Variants in AFF3 observed in about 807,000 individuals in gnomAD.
AFF3 encodes the protein ALF transcription elongation factor 3.
Under a neutral mutation model 129.7 loss-of-function variants are expected in AFF3, and 32 were observed. That is an observed-to-expected ratio of 0.25 (90% CI 0.19 to 0.33). AFF3 has a LOEUF of 0.33. AFF3 is among the 10% of genes least tolerant of loss of function. AFF3 has a pLI of 1.00. For synonymous variants in AFF3, 644 were observed against 635.4 expected (o/e 1.01, Z -0.20); for missense variants, 1,373 against 1,592.0 (o/e 0.86, Z 2.34).
chr2:100,127,008 T>C (rs981193510), intron 2 of AFF3, among the ~76,000 whole-genome samples: 1 of 152,178 alleles, frequency 6.6e-6, no homozygotes, highest in Non-Finnish European at 1.5e-5. Flanking sequence ...TCTGTGAGGT[T>C]ACAGAAATAT....
At chr2:99,650,993 G>C (rs1273356956) in intron 12 of AFF3, among the ~76,000 whole-genome samples, 1 of 151,964 alleles carries the variant, frequency 6.6e-6, no homozygotes, top group East Asian at 1.9e-4. Flanking sequence ...GACCAACAGG[G>C]AGAAACCCCG....
intron 7 of AFF3, among the ~76,000 whole-genome samples, chr2:99,866,086 A>G (rs1379038717): frequency 1.3e-5 from 2 of 152,162 alleles, no homozygotes; most frequent in Non-Finnish European, 1.5e-5. Context: ...TGCTGAAGAG[A>G]GTAAGGCAAA....
chr2:99,836,094 G>A (rs921197905), intron 8 of AFF3, among the ~76,000 whole-genome samples: 17 of 152,274 alleles, frequency 1.1e-4, no homozygotes, highest in African/African-American at 3.9e-4. Context: ...AGAATAGGAA[G>A]GTCAAAGGAT....
intron 4 of AFF3, among the ~76,000 whole-genome samples, chr2:100,053,947 T>C (rs1014494072): frequency 1.3e-5 from 2 of 152,190 alleles, no homozygotes; most frequent in African/African-American, 2.4e-5. Context: ...ATCTAGGCAA[T>C]GGTCTCTTCA....
chr2:99,937,899 G>A (rs1379912237), intron 7 of AFF3, among the ~76,000 whole-genome samples: 4 of 152,272 alleles, frequency 2.6e-5, no homozygotes, highest in South Asian at 2.1e-4. Flanking sequence ...GTAACCAGTC[G>A]TTGATGTATT....
At chr2:99,849,550 C>T (rs978188500) in intron 7 of AFF3, among the ~76,000 whole-genome samples, 1 of 152,106 alleles carries the variant, frequency 6.6e-6, no homozygotes, top group Non-Finnish European at 1.5e-5. Context: ...AGTAACAGCA[C>T]CTACGAAATG....
intron 4 of AFF3, among the ~76,000 whole-genome samples, chr2:100,056,359 T>C (rs1331408879): frequency 6.6e-6 from 1 of 152,210 alleles, no homozygotes; most frequent in Non-Finnish European, 1.5e-5. Flanking sequence ...CTGCTTAATA[T>C]TGCTTCTAGA....
At chr2:99,610,929 C>T (rs910427795) in intron 13 of AFF3, among the ~76,000 whole-genome samples, 3 of 152,166 alleles carry the variant, frequency 2.0e-5, no homozygotes, top group African/African-American at 4.8e-5. Context: ...ATGACACCCA[C>T]GTAAGATCTT....
chr2:99,851,011 G>T (rs1349476522), intron 7 of AFF3, among the ~76,000 whole-genome samples: 1 of 152,130 alleles, frequency 6.6e-6, no homozygotes, highest in Non-Finnish European at 1.5e-5. Flanking sequence ...AGCTATAAAA[G>T]ATGCCATCCA....
At chr2:100,062,593 G>A (rs546360607) in intron 4 of AFF3, among the ~76,000 whole-genome samples, 4 of 152,198 alleles carry the variant, frequency 2.6e-5, no homozygotes, top group African/African-American at 7.2e-5. Flanking sequence ...CTAAAATTCC[G>A]GGGTTACATG....
intron 8 of AFF3, among the ~76,000 whole-genome samples, chr2:99,817,991 G>T (rs979801685): frequency 6.6e-6 from 1 of 152,092 alleles, no homozygotes; most frequent in Admixed American, 6.6e-5. Flanking sequence ...TTCCATCTCT[G>T]ACTCGTTTCT....
chr2:99,644,278 A>G (rs1214755008), intron 13 of AFF3, among the ~76,000 whole-genome samples: 1 of 152,196 alleles, frequency 6.6e-6, no homozygotes, highest in African/African-American at 2.4e-5. Flanking sequence ...CAATTTAACC[A>G]CATGGCTATC....
intron 15 of AFF3, among the ~76,000 whole-genome samples, chr2:99,589,601 A>G (rs1417326042): frequency 5.3e-5 from 8 of 151,948 alleles, no homozygotes; most frequent in African/African-American, 1.9e-4. Context: ...GGGTTTCACC[A>G]TGTTGGCCAG....
intron 8 of AFF3, among the ~76,000 whole-genome samples, chr2:99,768,453 T>C (rs1211981611): frequency 2.6e-5 from 4 of 152,220 alleles, no homozygotes; most frequent in Non-Finnish European, 5.9e-5. Flanking sequence ...CAACACAACA[T>C]ACAAATGGGT....
chr2:99,990,738 G>A (rs979524651), intron 7 of AFF3, among the ~76,000 whole-genome samples: 3 of 152,128 alleles, frequency 2.0e-5, no homozygotes, highest in African/African-American at 7.2e-5. Context: ...GAAGGTAGCA[G>A]TAAAATTTGG....
intron 8 of AFF3, among the ~76,000 whole-genome samples, chr2:99,831,466 G>A (rs987112896): frequency 4.6e-5 from 7 of 152,078 alleles, no homozygotes; most frequent in Non-Finnish European, 8.8e-5. Context: ...TTTCACTGTC[G>A]GAGAAGAACA....
rs1232113356 is a variant in AFF3, at chr2:99,546,229, A to C, written c.*5245T>G. 4.3e-6 allele frequency: 1 copy of C among 231,814 alleles called. No individual in the cohort carries two copies. Among genetic ancestry groups the C allele is most frequent in the Admixed American group, 5.6e-5 (1 of 17,726 alleles). The allele number at this position is 231,814 out of a possible 1,614,324, so 14.4% of individuals were successfully genotyped here. On this transcript the variant is annotated 3_prime_UTR_variant, in exon 25 of 25. Coordinates refer to ENST00000672756, the MANE Select transcript of AFF3 (RefSeq NM_001386135.1). ...GCTGTGTAGCAGGCAAAGCTACAGAAGAGAACGTTCTTGAAAGACTGCTGG... is the reference window on the plus strand; with the variant it reads ...GCTGTGTAGCAGGCAAAGCTACAGACGAGAACGTTCTTGAAAGACTGCTGG...
intron 7 of AFF3, among the ~76,000 whole-genome samples, chr2:99,993,339 T>C (rs1680530008): frequency 6.6e-6 from 1 of 152,194 alleles, no homozygotes; most frequent in African/African-American, 2.4e-5. Flanking sequence ...GTTTAATTTC[T>C]AACTTTTTCA....
chr2:99,688,533 G>A (rs1235039124), intron 11 of AFF3, among the ~76,000 whole-genome samples: 2 of 152,110 alleles, frequency 1.3e-5, no homozygotes, highest in Non-Finnish European at 1.5e-5. Flanking sequence ...TGTCTTGCTT[G>A]GTCACTCTGA....
Sources: allele counts gnomAD v4.1 joint callset (sites outside exome capture counted in the v4.1 genomes callset), GRCh38; gene constraint gnomAD v4.1.1; transcripts MANE v1.5; gene names NCBI Gene and HGNC (gene_info 2026-07-23, HGNC 2026-07-21).